RALGAPB: variants seen among roughly 807,000 people sequenced by gnomAD.
RALGAPB encodes the protein Ral GTPase activating protein non-catalytic subunit beta.
In RALGAPB, 25 loss-of-function variants were observed where a neutral mutation model predicts 161.1. The ratio of observed to expected loss-of-function variants is 0.16; its 90% CI spans 0.11 to 0.22. The LOEUF is 0.22. Among genes scored for constraint, RALGAPB ranks in the 10% least tolerant of loss-of-function variants. RALGAPB has a pLI of 1.00. For missense variants in RALGAPB, 1,391 were observed against 1,815.2 expected (o/e 0.77, Z 4.25); for synonymous variants, 629 against 626.1 (o/e 1.00, Z -0.07).
intron 25 of RALGAPB, among the ~76,000 whole-genome samples, chr20:38,566,817 C>G (rs1180119641): frequency 3.3e-5 from 5 of 152,148 alleles, no homozygotes; most frequent in African/African-American, 1.2e-4. Flanking sequence ...GCTGGCAAAC[C>G]ACAGTGGCAC....
chr20:38,514,067 G>A (rs2086054556), intron 6 of RALGAPB, among the ~76,000 whole-genome samples: 3 of 152,086 alleles, frequency 2.0e-5, no homozygotes, highest in Admixed American at 1.3e-4. Context: ...TATTTTGGAT[G>A]GCAAAAAGAG....
At chr20:38,512,834 A>T (rs1204312055) in intron 6 of RALGAPB, among the ~76,000 whole-genome samples, 2 of 152,146 alleles carry the variant, frequency 1.3e-5, no homozygotes, top group African/African-American at 4.8e-5. Context: ...ATCTCTGCTC[A>T]CTGCAAGTTC....
At chr20:38,549,936 C>T (rs928340119) in intron 20 of RALGAPB, among the ~76,000 whole-genome samples, 3 of 152,156 alleles carry the variant, frequency 2.0e-5, no homozygotes, top group Admixed American at 1.3e-4. Flanking sequence ...AAATGTGGCA[C>T]ATATACACCA....
chr20:38,535,235 C>T, intron 16 of RALGAPB, 28 bp downstream of exon 16: 2 of 1,612,860 alleles, frequency 1.2e-6, no homozygotes, highest in African/African-American at 2.7e-5. Flanking sequence ...TTTATTTTAA[C>T]CCAACAGCCT....
At chr20:38,518,699 A>G (rs1176541945) in intron 9 of RALGAPB, among the ~76,000 whole-genome samples, 1 of 152,174 alleles carries the variant, frequency 6.6e-6, no homozygotes, top group African/African-American at 2.4e-5. Flanking sequence ...TTGAATATTT[A>G]TAATATGTCT....
Position 38,562,552 on chromosome 20 carries a change from T to G in RALGAPB, c.3552T>G (p.Ser1184=). 2 of 1,611,724 alleles carry G rather than the reference T, an allele frequency of 1.2e-6. No individual in the cohort carries two copies. Among genetic ancestry groups the G allele is most frequent in the East Asian group, 4.5e-5 (2 of 44,882 alleles). Residue 1184 remains serine, a synonymous_variant, in exon 24 of 30, where the codon TCT becomes TCG. Coordinates refer to ENST00000262879, the MANE Select transcript of RALGAPB (RefSeq NM_020336.4). ...TTCAGATTTTAAAGAATGTGGAGTCTTCCAGAACTGTTCAGCCACATTTCC... is the reference window on the plus strand; with the variant it reads ...TTCAGATTTTAAAGAATGTGGAGTCGTCCAGAACTGTTCAGCCACATTTCC... ...TNQEILKNVE[S]SRTVQPHFLE... is the part of the protein sequence containing the mutation.
intron 15 of RALGAPB, 148 bp downstream of exon 15, chr20:38,533,007 A>G (rs2086703099): frequency 4.2e-6 from 4 of 956,654 alleles, no homozygotes; most frequent in African/African-American, 1.6e-5. Flanking sequence ...GAAGCTAAGA[A>G]AAAACAAATC....
At chr20:38,479,122 C>G (rs2084890583) in intron 1 of RALGAPB, among the ~76,000 whole-genome samples, 1 of 152,110 alleles carries the variant, frequency 6.6e-6, no homozygotes, top group Admixed American at 6.5e-5. Context: ...ACTACTGTAC[C>G]ATGGTGTCAT....
chr20:38,566,507 C>T (rs539667438), intron 25 of RALGAPB, among the ~76,000 whole-genome samples: 11 of 152,290 alleles, frequency 7.2e-5, no homozygotes, highest in African/African-American at 2.4e-4. Context: ...TGTTGTGAAA[C>T]ATCTCCTATG....
At chr20:38,572,094 A>G (rs1443553945) in intron 28 of RALGAPB, among the ~76,000 whole-genome samples, 1 of 152,216 alleles carries the variant, frequency 6.6e-6, no homozygotes, top group Non-Finnish European at 1.5e-5. Context: ...CAGCAATATT[A>G]GATTGAAATA....
chr20:38,482,719 G>A (rs776864865), intron 1 of RALGAPB, among the ~76,000 whole-genome samples: 3 of 151,668 alleles, frequency 2.0e-5, no homozygotes, highest in African/African-American at 4.8e-5. Flanking sequence ...GTGAGCCACC[G>A]CGTCTGGTGT....
intron 18 of RALGAPB, among the ~76,000 whole-genome samples, chr20:38,542,649 G>A (rs77168289): frequency 0.011 from 1,679 of 152,170 alleles, 25 homozygotes; most frequent in African/African-American, 0.038. Context: ...AGGCCGAGGC[G>A]GGTGGATCAC....
intron 8 of RALGAPB, 41 bp from the exon 9 acceptor site, chr20:38,517,743 C>T (rs2086173743): frequency 8.1e-6 from 13 of 1,604,686 alleles, no homozygotes; most frequent in South Asian, 1.1e-5. Context: ...TTTTCTCAGA[C>T]TTTTCATTGG....
intron 14 of RALGAPB, 114 bp from the exon 15 acceptor site, chr20:38,532,616 T>G: frequency 7.9e-7 from 1 of 1,263,068 alleles, no homozygotes; most frequent in South Asian, 1.3e-5. Flanking sequence ...ACTATCAGTT[T>G]GTACTATTCA....
intron 10 of RALGAPB, among the ~76,000 whole-genome samples, chr20:38,523,212 A>G (rs549870008): frequency 2.5e-4 from 38 of 152,308 alleles, no homozygotes; most frequent in African/African-American, 9.1e-4. Flanking sequence ...ATCAGGACCA[A>G]TTAGTATCTC....
At position 38,564,190 on chromosome 20, in the gene RALGAPB, C is replaced by A. The variant is rs186644126; in HGVS notation, c.3698-1169C>A. 2.2e-3 allele frequency among the ~76,000 whole-genome samples: 333 copies of A among 152,220 alleles called. 1 individual carries two copies. The highest frequency in any genetic ancestry group is 7.7e-3 in the African/African-American group (321 of 41,534). On this transcript the variant is annotated intron_variant, in intron 24 of 29. Transcript: ENST00000262879. ...TACTACATCAAATACAAAGTGCCTG[C>A]CCGGAGCCCACACCAGGAGTCAGAA... is the stretch of plus-strand genomic sequence containing the variant.
intron 2 of RALGAPB, among the ~76,000 whole-genome samples, chr20:38,489,530 G>A (rs2085215335): frequency 6.6e-6 from 1 of 152,136 alleles, no homozygotes; most frequent in African/African-American, 2.4e-5. Context: ...CCCTGAGAAT[G>A]GAGTGATAGA....
At chr20:38,541,535 G>T (rs1052233137) in intron 18 of RALGAPB, among the ~76,000 whole-genome samples, 1 of 152,116 alleles carries the variant, frequency 6.6e-6, no homozygotes, top group Non-Finnish European at 1.5e-5. Context: ...TACACTGTTA[G>T]ATCTGCTTTC....
rs1438211394 is a variant in RALGAPB at position 38,505,679 on chromosome 20, C to T, written c.741-3398C>T. Among the ~76,000 whole-genome samples the T allele has an allele frequency of 2.0e-5, 3 of 151,978 alleles. No homozygotes were observed. In the East Asian group the frequency reaches 5.8e-4, roughly 29 times the overall value. The stretch of plus-strand genomic sequence containing the variant: ...TGCATTGATTTTTAAACATATAATC[C>T]TATTGCATACTTAATCGACTACAGT... On this transcript the variant is annotated intron_variant, in intron 5 of 29. Coordinates refer to ENST00000262879, the MANE Select transcript of RALGAPB (RefSeq NM_020336.4).
Sources: allele counts gnomAD v4.1 joint callset (sites outside exome capture counted in the v4.1 genomes callset), GRCh38; gene constraint gnomAD v4.1.1; transcripts MANE v1.5; gene names NCBI Gene and HGNC (gene_info 2026-07-23, HGNC 2026-07-21).